MID1: variants seen among roughly 807,000 people sequenced by gnomAD.
The protein encoded by MID1 is midline 1.
A neutral mutation model predicts 40.4 loss-of-function variants in MID1; 7 were observed. That is an observed-to-expected ratio of 0.17 (90% CI 0.10 to 0.33). MID1 has a LOEUF of 0.33. Ranked by LOEUF, MID1 falls within the 10% of genes least tolerant of loss-of-function variation. The pLI, the probability that MID1 is intolerant of heterozygous loss-of-function variation, is 1.00. For missense variants in MID1, 367 were observed against 558.5 expected, an observed-to-expected ratio of 0.66 and a Z score of 3.46; for synonymous variants, 229 against 221.2, an observed-to-expected ratio of 1.04 and a Z score of -0.31.
At chrX:10,800,680 A>G (rs1377105951) in intron 1 of MID1, among the ~76,000 whole-genome samples, 1 of 111,929 alleles carries the variant, frequency 8.9e-6, no homozygotes, top group Non-Finnish European at 1.9e-5. Flanking sequence ...CATTATACGT[A>G]GAAAATTGGC....
At chrX:10,501,462 A>T (rs1448042838) in intron 3 of MID1, 2 of 1,153,833 alleles carry the variant, frequency 1.7e-6, no homozygotes, top group Non-Finnish European at 2.3e-6. Flanking sequence ...TCTTCTCCCC[A>T]TCAGTCTTGC....
At chrX:10,453,733 A>C (rs900821126) in intron 9 of MID1, among the ~76,000 whole-genome samples, 1 of 112,315 alleles carries the variant, frequency 8.9e-6, no homozygotes, top group African/African-American at 3.2e-5. Context: ...ATGCAAAACC[A>C]GAAATATTGA....
intron 3 of MID1, among the ~76,000 whole-genome samples, chrX:10,503,025 CAG>C (rs1931636854): frequency 9.0e-6 from 1 of 111,727 alleles, no homozygotes; most frequent in Non-Finnish European, 1.9e-5. Flanking sequence ...TGAAACAAAA[CAG>C]AGCTTTATAT....
At chrX:10,608,781 A>G (rs190119327) in intron 1 of MID1, among the ~76,000 whole-genome samples, 2 of 112,234 alleles carry the variant, frequency 1.8e-5, no homozygotes, top group South Asian at 3.7e-4. Flanking sequence ...CTCAGCCCTC[A>G]GCACCATGCC....
intron 1 of MID1, among the ~76,000 whole-genome samples, chrX:10,810,766 T>C (rs146597308): frequency 0.02 from 2,188 of 109,520 alleles, 70 homozygotes; most frequent in African/African-American, 0.069. Flanking sequence ...TGGTAGCTCA[T>C]TGTGGGCTTG....
chrX:10,615,050 C>T (rs1354893807), intron 1 of MID1, among the ~76,000 whole-genome samples: 1 of 111,974 alleles, frequency 8.9e-6, no homozygotes, highest in Non-Finnish European at 1.9e-5. Context: ...TGTAAGAAGT[C>T]ATAAATTTCT....
intron 2 of MID1, among the ~76,000 whole-genome samples, chrX:10,529,937 A>C (rs1343375703): frequency 8.9e-6 from 1 of 112,287 alleles, no homozygotes; most frequent in East Asian, 2.8e-4. Flanking sequence ...TTAATTTAAC[A>C]ACTAGTGTAG....
chrX:10,461,828 T>C (rs1003660568), intron 7 of MID1, among the ~76,000 whole-genome samples: 1 of 112,298 alleles, frequency 8.9e-6, no homozygotes, highest in Admixed American at 9.5e-5. Flanking sequence ...ACTGTTCCTG[T>C]TTAATTGAAT....
At chrX:10,501,770 G>A (rs375144794) in intron 3 of MID1, among the ~76,000 whole-genome samples, 20 of 111,207 alleles carry the variant, frequency 1.8e-4, no homozygotes, top group African/African-American at 5.9e-4. Flanking sequence ...ATGCAGTTAC[G>A]CGTAATCATT....
At chrX:10,777,419 G>T (rs1044983487) in intron 1 of MID1, among the ~76,000 whole-genome samples, 1 of 109,448 alleles carries the variant, frequency 9.1e-6, no homozygotes, top group Non-Finnish European at 1.9e-5. Context: ...GGATGGTCTC[G>T]ATCTCCTGAC....
intron 1 of MID1, among the ~76,000 whole-genome samples, chrX:10,674,753 A>C (rs2043010873): frequency 8.9e-6 from 1 of 112,178 alleles, no homozygotes; most frequent in Non-Finnish European, 1.9e-5. Flanking sequence ...TCCCAAATTG[A>C]CTGCCAGCAT....
chrX:10,538,265 G>T (rs1035351056), intron 2 of MID1, among the ~76,000 whole-genome samples: 1 of 111,591 alleles, frequency 9.0e-6, no homozygotes, highest in African/African-American at 3.3e-5. Flanking sequence ...GAGCCACCAT[G>T]CCCGGCCTCG....
chrX:10,651,231 G>A (rs180894460), intron 1 of MID1, among the ~76,000 whole-genome samples: 9 of 111,533 alleles, frequency 8.1e-5, no homozygotes, highest in African/African-American at 2.6e-4. Context: ...GGGCTTTAGA[G>A]GTCAGGACTG....
chrX:10,621,146 A>G (rs1935929250), upstream of MID1, among the ~76,000 whole-genome samples: 1 of 111,884 alleles, frequency 8.9e-6, no homozygotes, highest in Admixed American at 9.5e-5. Context: ...ATCTTTACCT[A>G]CTGAAGGCCC....
intron 1 of MID1, among the ~76,000 whole-genome samples, chrX:10,745,172 T>A (rs1175548635): frequency 2.7e-5 from 3 of 112,540 alleles, no homozygotes; most frequent in African/African-American, 9.7e-5. Flanking sequence ...CTCGCAAAGA[T>A]CTAGAGGATG....
chrX:10,567,839 T>G (rs1934614156), intron 1 of MID1, among the ~76,000 whole-genome samples: 1 of 112,075 alleles, frequency 8.9e-6, no homozygotes. Flanking sequence ...GTGCAATTTT[T>G]TTTTTCAATT....
At chrX:10,470,868 AAAT>A (rs1366416382) in intron 6 of MID1, among the ~76,000 whole-genome samples, 1 of 112,214 alleles carries the variant, frequency 8.9e-6, no homozygotes, top group Non-Finnish European at 1.9e-5. Flanking sequence ...TTTGCATTGT[AAAT>A]AATATTTTAG....
rs780106951 is a variant in MID1 at position 10,531,405 on chromosome X, C to T, written c.661-8218G>A. ...GCATTTTTTTCATTGGTTATAATAG[C>T]TACCATTTCCAAATGCCCTGGCAAG... On this transcript the variant is annotated intron_variant, in intron 2 of 9. Coordinates refer to ENST00000317552, the MANE Select transcript of MID1 (RefSeq NM_000381.4). Among the ~76,000 whole-genome samples, 5 of 111,818 alleles carry T rather than the reference C, an allele frequency of 4.5e-5. No homozygotes were observed. In the South Asian group the frequency reaches 1.9e-3, roughly 42 times the overall value.
At chrX:10,683,451 A>G (rs185479919) in intron 1 of MID1, among the ~76,000 whole-genome samples, 1,206 of 111,006 alleles carry the variant, frequency 0.011, 9 homozygotes, top group Admixed American at 0.017. Flanking sequence ...CTGAGGTGGG[A>G]GGATCGCTTG....
Sources: allele counts gnomAD v4.1 joint callset (sites outside exome capture counted in the v4.1 genomes callset), GRCh38; gene constraint gnomAD v4.1.1; transcripts MANE v1.5; gene names NCBI Gene and HGNC (gene_info 2026-07-23, HGNC 2026-07-21).